The following B3GALT1 variants were observed in gnomAD, a reference collection of about 807,000 sequenced individuals.
B3GALT1 encodes beta-1,3-galactosyltransferase 1, also known as UDP-Gal:betaGlcNAc beta 1,3-galactosyltransferase, polypeptide 1.
Under a neutral mutation model 23.2 loss-of-function variants are expected in B3GALT1, and 10 were observed. The ratio of observed to expected loss-of-function variants is 0.43; its 90% confidence interval spans 0.27 to 0.73. The LOEUF is 0.73. B3GALT1 is among the 30% of genes least tolerant of loss of function. B3GALT1 has a pLI of 0.21. For missense variants in B3GALT1, 299 were observed against 405.4 expected, an observed-to-expected ratio of 0.74 and a Z score of 2.25; for synonymous variants, 156 against 141.5, an observed-to-expected ratio of 1.10 and a Z score of -0.73.
intron 2 of B3GALT1, among the ~76,000 whole-genome samples, chr2:167,568,342 C>T (rs966750685): frequency 3.3e-5 from 5 of 152,034 alleles, no homozygotes; most frequent in Admixed American, 1.3e-4. Context: ...CTATACCATT[C>T]TGCATTCCCA....
intron 3 of B3GALT1, among the ~76,000 whole-genome samples, chr2:167,738,565 C>T (rs1470104163): frequency 6.6e-6 from 1 of 152,114 alleles, no homozygotes; most frequent in Non-Finnish European, 1.5e-5. Flanking sequence ...ATGTTTTTTC[C>T]TCTTTCAATC....
chr2:167,652,417 C>A (rs914624911), intron 3 of B3GALT1, among the ~76,000 whole-genome samples: 1 of 152,178 alleles, frequency 6.6e-6, no homozygotes, highest in African/African-American at 2.4e-5. Flanking sequence ...GAAGTTTTAT[C>A]TGTAAAACAA....
intron 2 of B3GALT1, among the ~76,000 whole-genome samples, chr2:167,562,495 T>C (rs975984306): frequency 1.3e-5 from 2 of 151,950 alleles, no homozygotes; most frequent in Non-Finnish European, 2.9e-5. Flanking sequence ...GGTATTCAAT[T>C]AGGAAAAGAG....
intron 2 of B3GALT1, among the ~76,000 whole-genome samples, chr2:167,559,438 G>A (rs903038507): frequency 2.0e-5 from 3 of 152,222 alleles, no homozygotes; most frequent in Non-Finnish European, 2.9e-5. Flanking sequence ...CACCAGCAAC[G>A]AAACGAAGCT....
intron 2 of B3GALT1, among the ~76,000 whole-genome samples, chr2:167,570,125 T>C (rs952517094): frequency 1.3e-5 from 2 of 152,024 alleles, no homozygotes; most frequent in Non-Finnish European, 1.5e-5. Context: ...GGTTTGTACC[T>C]CTTCTTACAT....
intron 4 of B3GALT1, chr2:167,862,709 C>G (rs1690127681): frequency 6.6e-6 from 1 of 152,266 alleles, no homozygotes; most frequent in Admixed American, 6.5e-5. Flanking sequence ...CGCTCCTAGG[C>G]CTTACCTCTG....
At chr2:167,406,838 C>T (rs375403464) in intron 1 of B3GALT1, among the ~76,000 whole-genome samples, 10 of 152,138 alleles carry the variant, frequency 6.6e-5, no homozygotes, top group Admixed American at 2.6e-4. Flanking sequence ...CTCAGCCTTC[C>T]GATCCTGCTG....
chr2:167,640,114 G>A (rs1186176732), intron 2 of B3GALT1, among the ~76,000 whole-genome samples: 3 of 152,098 alleles, frequency 2.0e-5, no homozygotes, highest in African/African-American at 7.2e-5. Context: ...GATCTAAGCA[G>A]TATGTTGTGA....
At chr2:167,514,295 G>A (rs1347755546) in intron 2 of B3GALT1, among the ~76,000 whole-genome samples, 11 of 152,142 alleles carry the variant, frequency 7.2e-5, no homozygotes, top group Admixed American at 7.2e-4. Flanking sequence ...ATTTTAAAGA[G>A]GATCTCGATT....
intron 1 of B3GALT1, among the ~76,000 whole-genome samples, chr2:167,311,078 T>C (rs1471773812): frequency 2.6e-5 from 4 of 152,098 alleles, no homozygotes; most frequent in Non-Finnish European, 5.9e-5. Flanking sequence ...TAAATAACAT[T>C]TTCATTTTCT....
rs192224078 is a variant in B3GALT1 at position 167,474,685 on chromosome 2, G to T, written c.-510-15492G>T. On this transcript the variant is annotated intron_variant, in intron 1 of 4. Coordinates refer to ENST00000392690, the MANE Select transcript of B3GALT1 (RefSeq NM_020981.4). The stretch of plus-strand genomic sequence containing the variant: ...CCTGCAGTTATCTCTGACACCAAAG[G>T]TGCATCGCAAGGTGAAATAGTTGTC... Among the ~76,000 whole-genome samples the T allele has an allele frequency of 4.7e-4, 71 of 152,218 alleles. 1 individual carries two copies. In the Middle Eastern group the frequency reaches 0.031, roughly 66 times the overall value.
intron 3 of B3GALT1, among the ~76,000 whole-genome samples, chr2:167,809,865 A>G (rs836710): frequency 0.45 from 68,525 of 151,970 alleles, 17,795 homozygotes; most frequent in African/African-American, 0.7. Context: ...TTGTTTGGCT[A>G]TGTCCTGCCC....
chr2:167,779,594 A>G (rs1688214999), intron 3 of B3GALT1, among the ~76,000 whole-genome samples: 1 of 152,178 alleles, frequency 6.6e-6, no homozygotes, highest in Admixed American at 6.5e-5. Flanking sequence ...ACTGAGAATG[A>G]CTGTTGAAAT....
intron 1 of B3GALT1, among the ~76,000 whole-genome samples, chr2:167,441,587 T>C (rs73023884): frequency 0.035 from 5,309 of 152,318 alleles, 298 homozygotes; most frequent in African/African-American, 0.12. Flanking sequence ...TTTGATTTGA[T>C]AGCACTCTTC....
At chr2:167,513,677 C>G (rs767472703) in intron 2 of B3GALT1, among the ~76,000 whole-genome samples, 30 of 152,014 alleles carry the variant, frequency 2.0e-4, no homozygotes, top group Non-Finnish European at 3.8e-4. Context: ...TTAGCAAACT[C>G]TTACTGAAAC....
intron 3 of B3GALT1, among the ~76,000 whole-genome samples, chr2:167,742,475 A>G (rs1687590263): frequency 1.3e-5 from 2 of 152,216 alleles, no homozygotes; most frequent in South Asian, 2.1e-4. Flanking sequence ...AAAAAAACAC[A>G]AGAGCATAAA....
chr2:167,774,559 G>A (rs112958569), intron 3 of B3GALT1, among the ~76,000 whole-genome samples: 13,635 of 136,602 alleles, frequency 0.1, 848 homozygotes, highest in Middle Eastern at 0.21. Flanking sequence ...GTGCAGTGGC[G>A]TGATCTCGGC....
intron 3 of B3GALT1, among the ~76,000 whole-genome samples, chr2:167,803,484 A>G (rs1308028842): frequency 6.6e-6 from 1 of 152,160 alleles, no homozygotes; most frequent in African/African-American, 2.4e-5. Context: ...AGATTTCACA[A>G]TAGGCGTAGC....
chr2:167,715,932 A>T (rs1687135704), intron 3 of B3GALT1: 25 of 1,612,974 alleles, frequency 1.5e-5, no homozygotes, highest in Non-Finnish European at 2.1e-5. Context: ...AGCTGCGCAT[A>T]CCACCAGTTC....
Sources: allele counts gnomAD v4.1 joint callset (sites outside exome capture counted in the v4.1 genomes callset), GRCh38; gene constraint gnomAD v4.1.1; transcripts MANE v1.5; gene names NCBI Gene and HGNC (gene_info 2026-07-23, HGNC 2026-07-21).